The following CBLB variants were observed in gnomAD, a reference collection of about 807,000 sequenced individuals.
CBLB encodes the protein E3 ubiquitin-protein ligase CBL-B.
A neutral mutation model predicts 104.9 loss-of-function variants in CBLB; 31 were observed. The observed-to-expected ratio is 0.30, with a 90% CI of 0.22 to 0.40. The LOEUF (loss-of-function observed/expected upper bound fraction) is 0.40. CBLB is among the 10% of genes least tolerant of loss of function. The pLI is 1.00. For synonymous variants in CBLB, 440 were observed against 422.6 expected (o/e 1.04, Z -0.51); for missense variants, 1,062 against 1,214.6 (o/e 0.87, Z 1.87).
At chr3:105,780,660 G>GTTTTGTTTTT (rs2080107756) in intron 3 of CBLB, among the ~76,000 whole-genome samples, 1 of 94,018 alleles carries the variant, frequency 1.1e-5, no homozygotes, top group African/African-American at 4.3e-5. Flanking sequence ...TTTGTTTTTT[G>GTTTTGTTTTT]TTTTTTTTTT....
intron 17 of CBLB, 43 bp from the exon 18 acceptor site, chr3:105,670,395 G>T: frequency 2.6e-6 from 4 of 1,547,606 alleles, no homozygotes; most frequent in Non-Finnish European, 3.6e-6. Context: ...GATGATCTCT[G>T]TTGATTGGCT....
chr3:105,663,918 A>AC (rs2064084395), intron 18 of CBLB, among the ~76,000 whole-genome samples: 1 of 151,078 alleles, frequency 6.6e-6, no homozygotes, highest in Non-Finnish European at 1.5e-5. Flanking sequence ...AAAAAAAAAA[A>AC]AGTGTCCAAA....
intron 3 of CBLB, among the ~76,000 whole-genome samples, chr3:105,801,299 A>G (rs2082838256): frequency 6.6e-6 from 1 of 152,222 alleles, no homozygotes. Context: ...ATGATACTTA[A>G]TCACTGTGTA....
At chr3:105,803,989 C>T (rs1362644602) in intron 3 of CBLB, among the ~76,000 whole-genome samples, 1 of 152,110 alleles carries the variant, frequency 6.6e-6, no homozygotes, top group Non-Finnish European at 1.5e-5. Context: ...TTCTCTTAGG[C>T]TACAACTTTA....
intron 12 of CBLB, among the ~76,000 whole-genome samples, chr3:105,698,282 T>G (rs920898705): frequency 6.6e-6 from 1 of 151,914 alleles, no homozygotes; most frequent in Non-Finnish European, 1.5e-5. Flanking sequence ...CCAAATGGAG[T>G]AATTAGAGCT....
intron 3 of CBLB, among the ~76,000 whole-genome samples, chr3:105,827,599 C>T (rs978401668): frequency 3.9e-5 from 6 of 151,920 alleles, no homozygotes; most frequent in Admixed American, 1.3e-4. Flanking sequence ...CTGGCCCAGA[C>T]ATTAGCCAAA....
At chr3:105,780,653 GTTTTTTGTTTTTT>G (rs1298098831) in intron 3 of CBLB, among the ~76,000 whole-genome samples, 10 of 84,688 alleles carry the variant, frequency 1.2e-4, no homozygotes, top group African/African-American at 3.5e-4. Context: ...TAAAAGTTTT[GTTTTTTGTTTTTT>G]TTTTTTTTTT....
intron 3 of CBLB, among the ~76,000 whole-genome samples, chr3:105,850,099 G>A (rs572850393): frequency 1.4e-4 from 22 of 152,122 alleles, no homozygotes; most frequent in African/African-American, 5.1e-4. Context: ...CCACCCTCAA[G>A]ATGAATAAAC....
Position 105,702,438 on chromosome 3 carries a change from T to C in CBLB, c.1615A>G (p.Lys539Glu). ...GGTGCTGGGAGTGGTTTATCTTGTT[T>C]TCTCACCATGCAAGGAGAAGACTAA... The part of the protein sequence containing the change: ...SPKSSPCMVR[K>E]QDKPLPAPPP... The change falls in exon 12 of 19, where the codon AAA becomes GAA. Residue 539 changes from lysine to glutamate, a missense_variant. Transcript: ENST00000394030. 7.7e-7 allele frequency: 1 copy of C among 1,295,512 alleles called. No individual in the cohort carries two copies. The highest frequency in any genetic ancestry group is 1.1e-6 in the Non-Finnish European group (1 of 922,658). The allele number at this position is 1,295,512 out of a possible 1,614,324, so 80.3% of individuals were successfully genotyped here. A position where few individuals can be genotyped will look rare whatever the true frequency, so the allele number is the denominator to read the frequency against.
Position 105,657,353 on chromosome 3 carries a change from G to T in CBLB, c.*1617C>A. The T allele has an allele frequency of 4.6e-6, 1 of 216,122 alleles. No homozygotes were observed. Among genetic ancestry groups the T allele is most frequent in the African/African-American group, 2.3e-5 (1 of 44,440 alleles). The allele number at this position is 216,122 out of a possible 1,614,324, so 13.4% of individuals were successfully genotyped here. A position where few individuals can be genotyped will look rare whatever the true frequency, so the allele number is the denominator to read the frequency against. On this transcript the variant is annotated 3_prime_UTR_variant, in exon 19 of 19. Coordinates refer to ENST00000394030, the MANE Select transcript of CBLB (RefSeq NM_170662.5). Reference sequence around the variant, plus strand: ...GTGAAAAGAGGAGACACAGAAATATGCACAAACCCACAATTAGTCCATATT... The same window carrying T: ...GTGAAAAGAGGAGACACAGAAATATTCACAAACCCACAATTAGTCCATATT...
chr3:105,674,904 C>T (rs1031974750), intron 17 of CBLB, among the ~76,000 whole-genome samples: 1 of 152,146 alleles, frequency 6.6e-6, no homozygotes, highest in African/African-American at 2.4e-5. Flanking sequence ...AGAGCCCTGC[C>T]TCTGCTTGCC....
rs537376861 is a variant in CBLB at position 105,685,364 on chromosome 3, C to A, written c.2157G>T (p.Leu719=). ...TATGACAATGAGATGGTTGTGAATT[C>A]AGGGAAACAGGGTGGGATGAAGGAA... is the stretch of plus-strand genomic sequence containing the variant. The part of the protein sequence containing the change: ...YKIPSSHPVS[L]NSQPSHCHNV... The change falls in exon 14 of 19, where the codon CTG becomes CTT. Residue 719 remains leucine (L), a synonymous_variant. Coordinates refer to ENST00000394030, the MANE Select transcript of CBLB (RefSeq NM_170662.5). 2.5e-6 allele frequency: 4 copies of A among 1,613,716 alleles called. No individual in the cohort carries two copies. The South Asian group carries it at 4.4e-5, about 18-fold the overall frequency.
chr3:105,739,909 C>T lies in CBLB; in HGVS notation c.983+585G>A, dbSNP rs532071926. 8.3e-3 allele frequency among the ~76,000 whole-genome samples: 1,270 copies of T among 152,250 alleles called. 11 individuals are homozygous for T. Among genetic ancestry groups the T allele is most frequent in the Non-Finnish European group, 0.011 (777 of 68,010 alleles). ...CATGAGGTCAGGAAATTGAGGCCAT[C>T]CTGGCTAACACGGTGAAACCCCGTC... On this transcript the variant is annotated intron_variant, in intron 7 of 18. Coordinates refer to ENST00000394030, the MANE Select transcript of CBLB (RefSeq NM_170662.5).
At chr3:105,746,631 T>G (rs542141070) in intron 5 of CBLB, among the ~76,000 whole-genome samples, 1 of 152,232 alleles carries the variant, frequency 6.6e-6, no homozygotes, top group African/African-American at 2.4e-5. Context: ...ACTTCCTCAA[T>G]GAAGCCTTCT....
intron 18 of CBLB, among the ~76,000 whole-genome samples, chr3:105,662,896 A>G (rs536295718): frequency 6.6e-6 from 1 of 152,304 alleles, no homozygotes; most frequent in South Asian, 2.1e-4. Context: ...GAGACCATCA[A>G]TACTACAGTT....
intron 2 of CBLB, among the ~76,000 whole-genome samples, chr3:105,856,852 T>G (rs1335020792): frequency 6.6e-6 from 1 of 152,190 alleles, no homozygotes; most frequent in Non-Finnish European, 1.5e-5. Flanking sequence ...GTTAGTATAA[T>G]CAGAGTTCAT....
intron 11 of CBLB, 44 bp downstream of exon 11, chr3:105,703,944 G>A (rs1046212033): frequency 1.3e-6 from 2 of 1,550,574 alleles, no homozygotes; most frequent in Non-Finnish European, 1.8e-6. Flanking sequence ...ATCAATAATT[G>A]TCTTACAAAA....
At chr3:105,726,164 T>C (rs1001541670) in intron 9 of CBLB, among the ~76,000 whole-genome samples, 1 of 152,134 alleles carries the variant, frequency 6.6e-6, no homozygotes, top group Non-Finnish European at 1.5e-5. Context: ...TTATTTCTTA[T>C]TGCCTTAAAA....
intron 13 of CBLB, 125 bp downstream of exon 13, chr3:105,693,369 C>T (rs2067957363): frequency 1.5e-6 from 1 of 686,616 alleles, no homozygotes; most frequent in Non-Finnish European, 2.7e-6. Context: ...TTTGTAAATA[C>T]AGCTGGCTGT....
Sources: allele counts gnomAD v4.1 joint callset (sites outside exome capture counted in the v4.1 genomes callset), GRCh38; gene constraint gnomAD v4.1.1; transcripts MANE v1.5; gene names NCBI Gene and HGNC (gene_info 2026-07-23, HGNC 2026-07-21).